ZNF883: variants seen among roughly 807,000 people sequenced by gnomAD.
ZNF883 encodes zinc finger protein 883.
At chr9:113,010,976 C>A (rs990144553) in intron 2 of ZNF883, among the ~76,000 whole-genome samples, 165 bp downstream of exon 2, 2 of 117,416 alleles carry the variant, frequency 1.7e-5, no homozygotes, top group Admixed American at 1.8e-4. Flanking sequence ...CTGGACGAGA[C>A]CTTGTCTCAA....
downstream of ZNF883, among the ~76,000 whole-genome samples, chr9:112,996,777 C>T (rs1964880): frequency 0.046 from 4,762 of 103,376 alleles, 338 homozygotes; most frequent in African/African-American, 0.16. Flanking sequence ...GGCGACAGAG[C>T]GAGACTCCGT....
intron 1 of ZNF883, among the ~76,000 whole-genome samples, chr9:112,989,829 C>G (rs1449466392): frequency 1.3e-5 from 2 of 152,032 alleles, no homozygotes; most frequent in African/African-American, 4.8e-5. Context: ...TGAAGAGGTC[C>G]TTCACTTCCC....
At chr9:113,008,267 T>C (rs1284526162) in intron 2 of ZNF883, among the ~76,000 whole-genome samples, 1 of 133,468 alleles carries the variant, frequency 7.5e-6, no homozygotes, top group African/African-American at 3.0e-5. Context: ...TCAAGACACA[T>C]GTGAATGGCC....
At chr9:112,989,955 A>G (rs572101801) in intron 1 of ZNF883, among the ~76,000 whole-genome samples, 1 of 152,160 alleles carries the variant, frequency 6.6e-6, no homozygotes, top group African/African-American at 2.4e-5. Context: ...TGATTTTTGC[A>G]TATTGATTTT....
At chr9:112,995,700 C>T (rs555931343), downstream of ZNF883, among the ~76,000 whole-genome samples, 4 of 120,168 alleles carry the variant, frequency 3.3e-5, no homozygotes, top group East Asian at 1.7e-3. Flanking sequence ...TTTACAGCAT[C>T]TATTAAGATA....
upstream of ZNF883, among the ~76,000 whole-genome samples, chr9:113,001,106 C>G (rs1158591233): frequency 6.6e-6 from 1 of 151,972 alleles, no homozygotes; most frequent in Non-Finnish European, 1.5e-5. Flanking sequence ...AGAAAGAATT[C>G]AAGAATCTCT....
upstream of ZNF883, chr9:112,998,274 G>A (rs780636538): frequency 1.3e-6 from 2 of 1,484,554 alleles, no homozygotes; most frequent in South Asian, 3.0e-5. Context: ...ACTGAACTAT[G>A]GCTTTACATT....
chr9:112,991,563 G>GT (rs1828303375), intron 1 of ZNF883, among the ~76,000 whole-genome samples: 1 of 152,014 alleles, frequency 6.6e-6, no homozygotes, highest in African/African-American at 2.4e-5. Flanking sequence ...ACATTCTGTT[G>GT]TTTTTTGGTG....
chr9:112,997,675 T>TG (rs773106077), exon 1 of ZNF883: 1 of 1,612,464 alleles, frequency 6.2e-7, no homozygotes, highest in South Asian at 1.1e-5. Context: ...GTCGGATTAG[T>TG]GATGTACTGT....
At chr9:112,999,660 C>G (rs1284303819), upstream of ZNF883, 1 of 152,172 alleles carries the variant, frequency 6.6e-6, no homozygotes, top group Non-Finnish European at 1.5e-5. Flanking sequence ...AAACACTTTA[C>G]TTACATTTAC....
chr9:113,002,162 C>T (rs1405849080), upstream of ZNF883: 1 of 152,158 alleles, frequency 6.6e-6, no homozygotes, highest in Non-Finnish European at 1.5e-5. Flanking sequence ...TTAAAAATGA[C>T]AAAGTGGAGG....
intron 2 of ZNF883, among the ~76,000 whole-genome samples, chr9:113,005,382 CAAAAG>C (rs1484578159): frequency 2.0e-5 from 3 of 151,998 alleles, no homozygotes; most frequent in Non-Finnish European, 1.5e-5. Flanking sequence ...AGGAAATTCA[CAAAAG>C]AAATACAAAC....
intron 1 of ZNF883, among the ~76,000 whole-genome samples, chr9:112,988,840 T>C (rs1828276558): frequency 1.2e-5 from 1 of 86,224 alleles, no homozygotes; most frequent in Non-Finnish European, 2.2e-5. Flanking sequence ...CTGACTGGCA[T>C]GAGATGGCAT....
chr9:112,989,073 T>C (rs1564330112), intron 1 of ZNF883, among the ~76,000 whole-genome samples: 1 of 152,210 alleles, frequency 6.6e-6, no homozygotes, highest in African/African-American at 2.4e-5. Flanking sequence ...CCTCATTCTG[T>C]AGATTTTCTG....
chr9:112,998,117 T>C (rs1828383651), exon 1 of ZNF883: 2 of 1,613,830 alleles, frequency 1.2e-6, no homozygotes, highest in African/African-American at 2.7e-5. Flanking sequence ...GGTAAAGGAC[T>C]TACCACATAT....
At chr9:113,011,424 A>G (rs1397385706) in intron 1 of ZNF883, among the ~76,000 whole-genome samples, 197 bp from the exon 2 acceptor site, 1 of 152,224 alleles carries the variant, frequency 6.6e-6, no homozygotes, top group Non-Finnish European at 1.5e-5. Context: ...AACCAGAAAC[A>G]GGGCTAACTT....
chr9:113,010,673 A>T (rs10739384), intron 2 of ZNF883, among the ~76,000 whole-genome samples: 1 of 151,968 alleles, frequency 6.6e-6, no homozygotes, highest in Non-Finnish European at 1.5e-5. Flanking sequence ...TGAATATATA[A>T]AATTTTTATT....
downstream of ZNF883, among the ~76,000 whole-genome samples, chr9:112,995,447 TCTTC>T (rs1047203601): frequency 6.6e-6 from 1 of 151,852 alleles, no homozygotes; most frequent in Non-Finnish European, 1.5e-5. Context: ...TTCCTTTCTC[TCTTC>T]CTTCCTTCTT....
downstream of ZNF883, among the ~76,000 whole-genome samples, chr9:112,995,918 A>G (rs926887370): frequency 2.0e-5 from 3 of 151,946 alleles, no homozygotes; most frequent in African/African-American, 7.2e-5. Flanking sequence ...AAGTTTGTCT[A>G]TTGCCTTATG....
Sources: gnomAD v4.1 joint callset for allele counts (sites outside exome capture counted in the v4.1 genomes callset) on GRCh38, gnomAD v4.1.1 for gene constraint, MANE v1.5 for transcripts, NCBI Gene and HGNC (gene_info 2026-07-23, HGNC 2026-07-21) for gene names.